NT5DC3: variants seen among roughly 807,000 people sequenced by gnomAD.
NT5DC3 encodes 5'-nucleotidase domain containing 3, also known as 5'-nucleotidase domain-containing protein 3.
NT5DC3 carries 42 observed loss-of-function variants against 67.8 expected under a neutral mutation model. That is an observed-to-expected ratio of 0.62 (90% CI 0.48 to 0.80). The LOEUF (loss-of-function observed/expected upper bound fraction) is 0.80. Ranked by LOEUF, NT5DC3 falls within the 30% of genes least tolerant of loss-of-function variation. The probability of loss-of-function intolerance (pLI) is 0.00; values close to 1 mark genes in which losing one functional copy is unlikely to be tolerated. For missense variants in NT5DC3, 570 were observed against 696.4 expected (o/e 0.82, Z 2.04); for synonymous variants, 237 against 255.6 (o/e 0.93, Z 0.69).
intron 12 of NT5DC3, among the ~76,000 whole-genome samples, chr12:103,781,395 C>T (rs1456584126): frequency 1.1e-4 from 17 of 152,218 alleles, no homozygotes; most frequent in Admixed American, 3.3e-4. Flanking sequence ...AATCAGAGGC[C>T]AGGGACGCAT....
At chr12:103,756,133 G>A in the NT5DC3 span, among the ~76,000 whole-genome samples, 1 of 152,160 alleles carries the variant, frequency 6.6e-6, no homozygotes, top group Non-Finnish European at 1.5e-5. Flanking sequence ...CCTCTTCATG[G>A]ATGTAGTTAG....
chr12:103,816,391 G>C (rs574079297), intron 1 of NT5DC3, among the ~76,000 whole-genome samples: 1 of 152,276 alleles, frequency 6.6e-6, no homozygotes, highest in South Asian at 2.1e-4. Context: ...TGTACTCTAT[G>C]TTACACATTT....
chr12:103,815,986 C>T (rs988861483), intron 1 of NT5DC3, among the ~76,000 whole-genome samples: 1 of 152,092 alleles, frequency 6.6e-6, no homozygotes, highest in Non-Finnish European at 1.5e-5. Flanking sequence ...GTATTTGCTG[C>T]CAACATTCTT....
At chr12:103,796,599 T>A (rs780930021) in intron 6 of NT5DC3, among the ~76,000 whole-genome samples, 20 of 152,242 alleles carry the variant, frequency 1.3e-4, no homozygotes, top group Non-Finnish European at 2.4e-4. Flanking sequence ...TCCATCCCCA[T>A]CATCCCTTTG....
the NT5DC3 span, chr12:103,749,257 C>T: frequency 7.8e-7 from 1 of 1,278,970 alleles, no homozygotes; most frequent in South Asian, 1.8e-5. Context: ...TGGACTCTTC[C>T]TAAACATTTT....
At chr12:103,755,534 G>C in the NT5DC3 span, 1 of 1,608,816 alleles carries the variant, frequency 6.2e-7, no homozygotes, top group Admixed American at 1.7e-5. Flanking sequence ...AGCCTGGCCA[G>C]TCACTCCCCA....
At chr12:103,756,164 C>A in the NT5DC3 span, among the ~76,000 whole-genome samples, 9 of 152,194 alleles carry the variant, frequency 5.9e-5, no homozygotes, top group African/African-American at 2.2e-4. Flanking sequence ...CTGGTGATCA[C>A]CCAGTGAGCC....
At chr12:103,798,370 G>A (rs1257179927) in intron 5 of NT5DC3, among the ~76,000 whole-genome samples, 3 of 152,202 alleles carry the variant, frequency 2.0e-5, no homozygotes, top group African/African-American at 7.2e-5. Context: ...GGGTAGGTAT[G>A]TGGGAGGTGA....
At chr12:103,793,824 A>G in intron 7 of NT5DC3, 113 bp downstream of exon 7, 2 of 824,408 alleles carry the variant, frequency 2.4e-6, no homozygotes, top group Admixed American at 2.0e-5. Context: ...AGGTCCTTAC[A>G]GAGCACTCAT....
At chr12:103,814,106 A>G (rs1029343895) in intron 2 of NT5DC3, among the ~76,000 whole-genome samples, 9 of 152,136 alleles carry the variant, frequency 5.9e-5, no homozygotes, top group Non-Finnish European at 1.0e-4. Flanking sequence ...CGACGACCCC[A>G]CTGGGCTGTT....
chr12:103,813,829 T>C (rs142375988), intron 2 of NT5DC3, among the ~76,000 whole-genome samples: 72 of 152,362 alleles, frequency 4.7e-4, no homozygotes, highest in African/African-American at 1.5e-3. Context: ...GGCTGGTCTA[T>C]ACAACACTAG....
At chr12:103,781,360 A>T (rs869993) in intron 12 of NT5DC3, among the ~76,000 whole-genome samples, 40,929 of 152,144 alleles carry the variant, frequency 0.27, 5,746 homozygotes, top group South Asian at 0.46. Flanking sequence ...TGTTGAAGGG[A>T]CATGTAAAGG....
the NT5DC3 span, chr12:103,749,261 A>C: frequency 2.4e-6 from 3 of 1,243,954 alleles, no homozygotes; most frequent in African/African-American, 1.5e-5. Context: ...CTCTTCCTAA[A>C]CATTTTTTCT....
At chr12:103,818,135 C>T (rs959713867) in intron 1 of NT5DC3, among the ~76,000 whole-genome samples, 2 of 152,194 alleles carry the variant, frequency 1.3e-5, no homozygotes, top group African/African-American at 2.4e-5. Context: ...TCCCCTAAAG[C>T]CTATTCATGG....
intron 6 of NT5DC3, among the ~76,000 whole-genome samples, chr12:103,795,009 A>G (rs1886251466): frequency 6.6e-6 from 1 of 152,216 alleles, no homozygotes; most frequent in Non-Finnish European, 1.5e-5. Flanking sequence ...GCTGCAGGCA[A>G]AATTGTGTCT....
chr12:103,797,342 G>A (rs180973155), intron 5 of NT5DC3, among the ~76,000 whole-genome samples: 51 of 151,922 alleles, frequency 3.4e-4, no homozygotes, highest in South Asian at 8.3e-4. Context: ...ATGGTGGTGG[G>A]TGCCTGAATC....
intron 1 of NT5DC3, among the ~76,000 whole-genome samples, chr12:103,832,671 G>GC (rs1189905244): frequency 5.3e-5 from 8 of 152,040 alleles, no homozygotes; most frequent in Admixed American, 5.2e-4. Flanking sequence ...CAAAAGTCAG[G>GC]CCAAAAAATA....
Position 103,777,768 on chromosome 12 carries a change from AG to A in NT5DC3, c.*60del. 1 of 1,534,084 alleles carries A rather than the reference AG, an allele frequency of 6.5e-7. No homozygotes were observed. Among genetic ancestry groups the A allele is most frequent in the Non-Finnish European group, 8.8e-7 (1 of 1,138,916 alleles). ...AAAAGCAACACTCAGACCCACATGA[AG>A]TCAACCCCATCATGCCTGCCCAATC... On this transcript the variant is annotated 3_prime_UTR_variant, in exon 14 of 14. Coordinates refer to ENST00000392876, the MANE Select transcript of NT5DC3 (RefSeq NM_001031701.3).
intron 1 of NT5DC3, among the ~76,000 whole-genome samples, chr12:103,829,187 G>C (rs1330229910): frequency 6.6e-6 from 1 of 152,204 alleles, no homozygotes; most frequent in Non-Finnish European, 1.5e-5. Flanking sequence ...TAGTTCAGCA[G>C]ACAACACATG....
Sources: allele counts gnomAD v4.1 joint callset (sites outside exome capture counted in the v4.1 genomes callset), GRCh38; gene constraint gnomAD v4.1.1; transcripts MANE v1.5; gene names NCBI Gene and HGNC (gene_info 2026-07-23, HGNC 2026-07-21).